KLHL1: variants seen among roughly 807,000 people sequenced by gnomAD.
The protein encoded by KLHL1 is kelch like family member 1.
KLHL1 carries 47 observed loss-of-function variants against 77.7 expected under a neutral mutation model. The observed-to-expected ratio is 0.60, with a 90% confidence interval of 0.48 to 0.77. The LOEUF is 0.77. Among genes scored for constraint, KLHL1 ranks in the 30% least tolerant of loss-of-function variants. The pLI is 0.00. For synonymous variants in KLHL1, 360 were observed against 325.2 expected (o/e 1.11, Z -1.15); for missense variants, 925 against 910.8 (o/e 1.02, Z -0.20).
intron 9 of KLHL1, among the ~76,000 whole-genome samples, chr13:69,716,793 T>G (rs1381265609): frequency 6.6e-6 from 1 of 152,134 alleles, no homozygotes; most frequent in African/African-American, 2.4e-5. Context: ...AAGCTCTGTA[T>G]AGCATAGTGC....
intron 8 of KLHL1, among the ~76,000 whole-genome samples, chr13:69,725,959 T>G (rs914707252): frequency 7.9e-5 from 12 of 152,244 alleles, no homozygotes; most frequent in Middle Eastern, 3.4e-3. Context: ...TGCAGGGTTA[T>G]GTCTACTCAT....
chr13:70,074,442 C>G (rs537962445), intron 1 of KLHL1, among the ~76,000 whole-genome samples: 18 of 152,062 alleles, frequency 1.2e-4, no homozygotes, highest in African/African-American at 4.1e-4. Flanking sequence ...AAGTGGTACT[C>G]CCCACCCCCA....
chr13:70,057,441 C>A lies in KLHL1; in HGVS notation c.497+49762G>T, dbSNP rs376283269. Among the ~76,000 whole-genome samples the A allele has an allele frequency of 1.5e-4, 21 of 140,630 alleles. No homozygotes were observed. The East Asian group carries it at 3.8e-3, about 25-fold the overall frequency. The allele number at this position is 140,630 out of a possible 152,430, so 92.3% of individuals were successfully genotyped here. ...AAACTCATTCTGAGGCCAGTATGCC[C>A]TGATATCATAAATAGACAAAGACAC... On this transcript the variant is annotated intron_variant, in intron 1 of 10. Coordinates refer to ENST00000377844, the MANE Select transcript of KLHL1 (RefSeq NM_020866.3).
intron 1 of KLHL1, among the ~76,000 whole-genome samples, chr13:70,023,158 T>C (rs1885846015): frequency 6.6e-6 from 1 of 151,918 alleles, no homozygotes; most frequent in African/African-American, 2.4e-5. Context: ...CACCAGGTTT[T>C]CATTTAGAAA....
chr13:70,066,173 C>T (rs1382353183), intron 1 of KLHL1, among the ~76,000 whole-genome samples: 7 of 152,176 alleles, frequency 4.6e-5, no homozygotes, highest in Non-Finnish European at 1.5e-5. Context: ...ACTGTCTGCA[C>T]TGTGAATTTA....
intron 4 of KLHL1, among the ~76,000 whole-genome samples, chr13:69,905,913 A>G (rs572887045): frequency 6.6e-6 from 1 of 152,184 alleles, no homozygotes; most frequent in African/African-American, 2.4e-5. Context: ...TCGAAAATGT[A>G]CACATGAGAG....
chr13:70,011,460 C>T lies in KLHL1; in HGVS notation c.498-35658G>A, dbSNP rs542427396. Among the ~76,000 whole-genome samples the T allele has an allele frequency of 2.7e-4, 41 of 152,002 alleles. No homozygotes were observed. The South Asian group carries it at 5.4e-3, about 20-fold the overall frequency. Reference sequence around the variant, plus strand: ...TCTTCCTTATTGATATTTTGTTTGCCGTAGATAATAAATTTTATGCTCTTC... The same window carrying T: ...TCTTCCTTATTGATATTTTGTTTGCTGTAGATAATAAATTTTATGCTCTTC... On this transcript the variant is annotated intron_variant, in intron 1 of 10. Transcript: ENST00000377844.
intron 1 of KLHL1, among the ~76,000 whole-genome samples, chr13:70,045,105 C>T (rs1886464222): frequency 6.6e-6 from 1 of 152,118 alleles, no homozygotes; most frequent in Non-Finnish European, 1.5e-5. Flanking sequence ...ACTGTTACCC[C>T]AAAGTCAAGA....
Position 69,817,523 on chromosome 13 carries a change from A to C in KLHL1, c.1415-20561T>G, listed in dbSNP as rs562776835. Among the ~76,000 whole-genome samples the C allele has an allele frequency of 1.4e-4, 22 of 152,322 alleles. No homozygotes were observed. The East Asian group carries it at 3.5e-3, about 24-fold the overall frequency. On this transcript the variant is annotated intron_variant, in intron 6 of 10. Coordinates refer to ENST00000377844, the MANE Select transcript of KLHL1 (RefSeq NM_020866.3). ...AAATGCAAGATTACATTAGTGCCAC[A>C]TTAGGTGACTTCTATTTATCTCTAA...
intron 6 of KLHL1, among the ~76,000 whole-genome samples, chr13:69,805,694 A>AC (rs1877587647): frequency 6.6e-6 from 1 of 151,368 alleles, no homozygotes; most frequent in Admixed American, 6.6e-5. Context: ...AAAAAAACAA[A>AC]AAAAAAAACA....
chr13:70,074,847 A>G (rs1430189121), intron 1 of KLHL1, among the ~76,000 whole-genome samples: 1 of 152,098 alleles, frequency 6.6e-6, no homozygotes, highest in Non-Finnish European at 1.5e-5. Context: ...ATCACTATTC[A>G]CAGCATGATT....
At chr13:70,031,143 C>A (rs982799733) in intron 1 of KLHL1, among the ~76,000 whole-genome samples, 11 of 152,056 alleles carry the variant, frequency 7.2e-5, no homozygotes, top group Non-Finnish European at 1.6e-4. Flanking sequence ...TTAGCTTTAT[C>A]CAATAAATTG....
rs4531607 is a variant in KLHL1, at chr13:69,835,489, C to A, written c.1414+3487G>T. Among the ~76,000 whole-genome samples, 171 of 151,896 alleles carry A rather than the reference C, an allele frequency of 1.1e-3. 10 individuals are homozygous for A. The highest frequency in any genetic ancestry group is 3.7e-3 in the East Asian group (19 of 5,156). On this transcript the variant is annotated intron_variant, in intron 6 of 10. Transcript: ENST00000377844. ...CATCTGCCTTGGGCCAAACACAAGGCGGGAGAACAAGGAACCAGAGATGCT... is the reference window on the plus strand; with the variant it reads ...CATCTGCCTTGGGCCAAACACAAGGAGGGAGAACAAGGAACCAGAGATGCT...
At chr13:70,062,161 A>T (rs1459624956) in intron 1 of KLHL1, among the ~76,000 whole-genome samples, 1 of 152,138 alleles carries the variant, frequency 6.6e-6, no homozygotes, top group Non-Finnish European at 1.5e-5. Flanking sequence ...AATGGGAAGC[A>T]CGCTTGTATT....
At chr13:69,882,862 A>G (rs1881054196) in intron 4 of KLHL1, among the ~76,000 whole-genome samples, 1 of 152,200 alleles carries the variant, frequency 6.6e-6, no homozygotes, top group African/African-American at 2.4e-5. Flanking sequence ...ATGTAGACAT[A>G]TATATGAGGA....
At chr13:70,086,210 A>G (rs1335544434) in intron 1 of KLHL1, among the ~76,000 whole-genome samples, 2 of 151,988 alleles carry the variant, frequency 1.3e-5, no homozygotes, top group Non-Finnish European at 2.9e-5. Context: ...GTAGGTTAAA[A>G]TTATGTTGTG....
intron 1 of KLHL1, among the ~76,000 whole-genome samples, chr13:70,097,688 C>T (rs775644706): frequency 6.6e-6 from 1 of 151,766 alleles, no homozygotes; most frequent in Non-Finnish European, 1.5e-5. Context: ...GTCTCACAGT[C>T]TATATGTATT....
chr13:70,024,619 T>TC (rs1463372075), intron 1 of KLHL1, among the ~76,000 whole-genome samples: 5 of 114,074 alleles, frequency 4.4e-5, no homozygotes, highest in African/African-American at 1.9e-4. Context: ...GGAGAAAAGA[T>TC]TTCTCTCTCT....
chr13:69,871,860 T>C (rs904658795), intron 5 of KLHL1, among the ~76,000 whole-genome samples: 1 of 151,958 alleles, frequency 6.6e-6, no homozygotes, highest in Non-Finnish European at 1.5e-5. Context: ...TTGGTCACAA[T>C]CACTTGAGCA....
Sources: gnomAD v4.1 joint callset for allele counts (sites outside exome capture counted in the v4.1 genomes callset) on GRCh38, gnomAD v4.1.1 for gene constraint, MANE v1.5 for transcripts, NCBI Gene and HGNC (gene_info 2026-07-23, HGNC 2026-07-21) for gene names.